ZFC3H1: variants seen among roughly 807,000 people sequenced by gnomAD.
ZFC3H1 encodes the protein zinc finger C3H1 domain-containing protein.
In ZFC3H1, 71 loss-of-function variants were observed where a neutral mutation model predicts 243.7. The ratio of observed to expected loss-of-function variants is 0.29; its 90% CI spans 0.24 to 0.36. The LOEUF (loss-of-function observed/expected upper bound fraction) is 0.36, where lower values mean the gene tolerates loss of function less well. Ranked by LOEUF, ZFC3H1 falls within the 10% of genes least tolerant of loss-of-function variation. The pLI is 1.00. For synonymous variants in ZFC3H1, 838 were observed against 813.0 expected (o/e 1.03, Z -0.52); for missense variants, 1,966 against 2,317.1 (o/e 0.85, Z 3.11).
At chr12:71,620,415 C>A (rs1879996983) in intron 24 of ZFC3H1, 100 bp from the exon 25 acceptor site, 19 of 1,211,436 alleles carry the variant, frequency 1.6e-5, no homozygotes, top group Non-Finnish European at 2.2e-5. Flanking sequence ...GAAAAGATGA[C>A]CCCTCCCTTT....
intron 5 of ZFC3H1, among the ~76,000 whole-genome samples, chr12:71,643,314 G>A (rs148270481): frequency 0.022 from 3,377 of 152,100 alleles, 146 homozygotes; most frequent in African/African-American, 0.076. Flanking sequence ...TCGGGAGACT[G>A]GGGCAGGAGA....
intron 16 of ZFC3H1, 79 bp downstream of exon 16, chr12:71,631,699 T>A: frequency 8.2e-7 from 1 of 1,224,004 alleles, no homozygotes; most frequent in Non-Finnish European, 1.1e-6. Context: ...TTTTTCATTA[T>A]CATCAAATAT....
At position 71,636,591 on chromosome 12, in the gene ZFC3H1, T is replaced by C; in HGVS notation, c.1999A>G (p.Arg667Gly). ...ATACTGACTATTGATAGATTGCTTC[T>C]TGGCACAGGATGTGAATTGTTCAGA... is the stretch of plus-strand genomic sequence containing the variant. ...PVLNNSHPVP[R>G]SNLSIVSINT... The change falls in exon 9 of 35, where the codon AGA becomes GGA. Residue 667 changes from arginine (R) to glycine (G), a missense_variant. By Grantham distance (125) the Arg-to-Gly change is moderately radical. Around this residue, in one of 4 missense-constraint regions of ZFC3H1, gnomAD observed 1,383 missense variants for 1,723.7 expected, o/e 0.80. Transcript: ENST00000378743. The C allele has an allele frequency of 6.2e-7, 1 of 1,614,004 alleles. No homozygotes were observed. Among genetic ancestry groups the C allele is most frequent in the South Asian group, 1.1e-5 (1 of 91,070 alleles).
rs1881247010 is a variant in ZFC3H1 at position 71,663,430 on chromosome 12, C to T, written c.181G>A (p.Ala61Thr). Residue 61 changes from alanine to threonine, a missense_variant, in exon 1 of 35, where the codon GCC becomes ACC. This residue lies in a region of ZFC3H1 where 484 missense variants were observed against 449.7 expected (regional missense o/e 1.08). Coordinates refer to ENST00000378743, the MANE Select transcript of ZFC3H1 (RefSeq NM_144982.5). The stretch of plus-strand genomic sequence containing the variant: ...CCTCCGCCAGATCCACCGCCCCGGG[C>T]CGAGTGAGGAGGCCTTCGCCGCGGA... ...PYPRRRPPHS[A>T]RGGGSGGGGG... 1 of 1,611,918 alleles carries T rather than the reference C, an allele frequency of 6.2e-7. No homozygotes were observed. Among genetic ancestry groups the T allele is most frequent in the Non-Finnish European group, 8.5e-7 (1 of 1,180,038 alleles).
intron 31 of ZFC3H1, among the ~76,000 whole-genome samples, chr12:71,612,983 A>G (rs1278823080): frequency 6.6e-6 from 1 of 152,194 alleles, no homozygotes; most frequent in East Asian, 1.9e-4. Flanking sequence ...GACCTAGGTG[A>G]AAATATGAAA....
chr12:71,614,021 C>A (rs953281651), intron 30 of ZFC3H1, among the ~76,000 whole-genome samples: 25 of 152,102 alleles, frequency 1.6e-4, no homozygotes, highest in Admixed American at 3.9e-4. Flanking sequence ...AAAACTATAT[C>A]ATTAATTAGA....
At chr12:71,614,736 AAGAC>A in intron 29 of ZFC3H1, 36 bp from the exon 30 acceptor site, 1 of 1,594,172 alleles carries the variant, frequency 6.3e-7, no homozygotes. Flanking sequence ...TAGAATAACT[AAGAC>A]AGTAGTTCTC....
intron 2 of ZFC3H1, chr12:71,656,656 A>T: frequency 1.7e-6 from 1 of 587,980 alleles, no homozygotes; most frequent in Non-Finnish European, 2.9e-6. Context: ...TCACTTATGT[A>T]TAACATTCTA....
intron 1 of ZFC3H1, among the ~76,000 whole-genome samples, chr12:71,660,946 C>T (rs934081087): frequency 6.6e-6 from 1 of 151,208 alleles, no homozygotes; most frequent in African/African-American, 2.4e-5. Context: ...GACTTCGTCT[C>T]CCCAAAAAAA....
chr12:71,623,641 C>A (rs1297313189), intron 23 of ZFC3H1, 44 bp from the exon 24 acceptor site: 1 of 1,357,734 alleles, frequency 7.4e-7, no homozygotes, highest in South Asian at 1.3e-5. Context: ...TTAGAGATGT[C>A]AGTACCAGAT....
intron 16 of ZFC3H1, among the ~76,000 whole-genome samples, chr12:71,631,457 G>C (rs908457566): frequency 2.0e-5 from 3 of 151,884 alleles, no homozygotes; most frequent in South Asian, 2.1e-4. Flanking sequence ...CTGAATAACA[G>C]TAAAATTAAA....
intron 3 of ZFC3H1, 124 bp downstream of exon 3, chr12:71,647,625 G>A (rs1880761596): frequency 2.3e-5 from 13 of 574,704 alleles, no homozygotes; most frequent in Middle Eastern, 2.8e-4. Flanking sequence ...TGTCCAAATG[G>A]AGTTATAGGA....
At chr12:71,618,617 T>TA (rs1297913486) in intron 27 of ZFC3H1, among the ~76,000 whole-genome samples, 3 of 151,962 alleles carry the variant, frequency 2.0e-5, no homozygotes, top group Non-Finnish European at 4.4e-5. Flanking sequence ...GTAGTGGTAA[T>TA]AGACTACATG....
In ZFC3H1 at chr12:71,619,299, G is replaced by A. The variant is rs767277289; in HGVS notation, c.5144+16C>T. 1 of 1,608,046 alleles carries A rather than the reference G, an allele frequency of 6.2e-7. No homozygotes were observed. The highest frequency in any genetic ancestry group is 1.1e-5 in the South Asian group (1 of 90,416). ...TCTCTCTCATTCCTCTACAAACTAA[G>A]AATTCTACAACTTACCGAAACAGAT... On this transcript the variant is annotated intron_variant, in intron 27 of 34. Coordinates refer to ENST00000378743, the MANE Select transcript of ZFC3H1 (RefSeq NM_144982.5).
At chr12:71,631,715 AT>A (rs1880327283) in intron 16 of ZFC3H1, 62 bp downstream of exon 16, 1 of 1,350,306 alleles carries the variant, frequency 7.4e-7, no homozygotes, top group Non-Finnish European at 1.0e-6. Context: ...AATATTCAAG[AT>A]AAAATATTAA....
chr12:71,648,665 A>T (rs961143324), intron 2 of ZFC3H1, among the ~76,000 whole-genome samples: 1 of 152,228 alleles, frequency 6.6e-6, no homozygotes. Flanking sequence ...TTATTCAATA[A>T]ATAAATGACT....
Position 71,630,877 on chromosome 12 carries a change from T to C in ZFC3H1, c.3548A>G (p.Gln1183Arg). ...TGTTAAATCAAAACGGCAGAAACACTGATCCGGTTCAATCATATTACTGTA... is the reference window on the plus strand; with the variant it reads ...TGTTAAATCAAAACGGCAGAAACACCGATCCGGTTCAATCATATTACTGTA... ...VSYSNMIEPD[Q>R]CFCRFDLTGT... Residue 1183 changes from glutamine to arginine, a missense_variant, in exon 17 of 35, where the codon CAG (glutamine) becomes CGG (arginine). Coordinates refer to ENST00000378743, the MANE Select transcript of ZFC3H1 (RefSeq NM_144982.5). 6.2e-7 allele frequency: 1 copy of C among 1,613,556 alleles called. No homozygotes were observed. The highest frequency in any genetic ancestry group is 8.5e-7 in the Non-Finnish European group (1 of 1,179,632).
rs17110071 is a variant in ZFC3H1 at position 71,641,013 on chromosome 12, T to G, written c.1627+1423A>C. Among the ~76,000 whole-genome samples, 599 of 152,140 alleles carry G rather than the reference T, an allele frequency of 3.9e-3. 3 individuals are homozygous for G. The highest frequency in any genetic ancestry group is 0.014 in the African/African-American group (576 of 41,528). ...CAAAATTTGAGAAAAAAATTGATCT[T>G]GAATGGAAAAAAATACATATATATA... On this transcript the variant is annotated intron_variant, in intron 6 of 34. Coordinates refer to ENST00000378743, the MANE Select transcript of ZFC3H1 (RefSeq NM_144982.5).
chr12:71,630,632 G>T lies in ZFC3H1; in HGVS notation c.3692C>A (p.Thr1231Lys). ...AGCAGTAATTTCTTCATTAGTACTT[G>T]TCTCTGCACAACCAATCAAAGACAG... ...YNLSLIGCAETSTNEEITASA... is the reference protein window; with the variant it reads ...YNLSLIGCAEKSTNEEITASA... The change falls in exon 18 of 35, where the codon ACA becomes AAA. Residue 1231 changes from threonine to lysine, a missense_variant. Around this residue, in one of 4 missense-constraint regions of ZFC3H1, gnomAD observed 1,383 missense variants for 1,723.7 expected, o/e 0.80. Transcript: ENST00000378743. The T allele has an allele frequency of 1.2e-6, 2 of 1,612,668 alleles. No individual in the cohort carries two copies. Among genetic ancestry groups the T allele is most frequent in the Non-Finnish European group, 1.7e-6 (2 of 1,179,524 alleles).
Sources: gnomAD v4.1 joint callset for allele counts (sites outside exome capture counted in the v4.1 genomes callset) on GRCh38, gnomAD v4.1.1 for gene constraint, gnomAD v4.1.1 regional missense constraint, MANE v1.5 for transcripts, NCBI Gene and HGNC (gene_info 2026-07-23, HGNC 2026-07-21) for gene names.